Variants in STK32B observed in about 807,000 individuals in gnomAD.
STK32B encodes serine/threonine kinase 32B.
STK32B carries 43 observed loss-of-function variants against 52.6 expected under a neutral mutation model. The ratio of observed to expected loss-of-function variants is 0.82; its 90% CI spans 0.64 to 1.05. The LOEUF (loss-of-function observed/expected upper bound fraction) is 1.05. Ranked by LOEUF, STK32B falls within the 50% of genes least tolerant of loss-of-function variation. The probability of loss-of-function intolerance (pLI) is 0.00; values close to 1 mark genes in which losing one functional copy is unlikely to be tolerated. For missense variants in STK32B, 621 were observed against 534.6 expected, an observed-to-expected ratio of 1.16 and a Z score of -1.59; for synonymous variants, 238 against 204.3, an observed-to-expected ratio of 1.17 and a Z score of -1.41.
rs1437530499 is a variant in STK32B, at chr4:5,394,807, G to T, written c.435-3400G>T. Among the ~76,000 whole-genome samples the T allele has an allele frequency of 6.6e-6, 1 of 152,156 alleles. No individual in the cohort carries two copies. Among genetic ancestry groups the T allele is most frequent in the Non-Finnish European group, 1.5e-5 (1 of 68,038 alleles). The stretch of plus-strand genomic sequence containing the variant: ...AGGAAAACAAGGCTGAGAGTAAGTG[G>T]CCCAAGATCATATAGCTAGAGAATT... On this transcript the variant is annotated intron_variant, in intron 4 of 11. Transcript: ENST00000282908. The surrounding 1 kb of genome is among the most constrained non-coding windows in gnomAD (Gnocchi z 4.2).
chr4:5,422,240 G>A (rs1420564693), intron 6 of STK32B, among the ~76,000 whole-genome samples: 2 of 152,244 alleles, frequency 1.3e-5, no homozygotes, highest in Admixed American at 6.5e-5. Flanking sequence ...TAGTGGGGAA[G>A]GTGGAGTTAA....
chr4:5,495,430 C>G (rs919161007), intron 11 of STK32B, among the ~76,000 whole-genome samples: 1 of 152,178 alleles, frequency 6.6e-6, no homozygotes, highest in East Asian at 1.9e-4. Flanking sequence ...GCTCCATCAG[C>G]TCCTTTAAGC....
chr4:5,109,402 A>G (rs1054549510), intron 1 of STK32B, among the ~76,000 whole-genome samples: 1 of 152,246 alleles, frequency 6.6e-6, no homozygotes, highest in African/African-American at 2.4e-5. Context: ...GAGCTAACAA[A>G]TGAATACATA....
chr4:5,180,096 C>A (rs1720241098), intron 3 of STK32B, among the ~76,000 whole-genome samples: 1 of 152,218 alleles, frequency 6.6e-6, no homozygotes, highest in Non-Finnish European at 1.5e-5. Flanking sequence ...CAAGTAGAGT[C>A]TGTGTGGCCC....
At position 5,398,506 on chromosome 4, in the gene STK32B, G is replaced by A. The variant is rs1348962727; in HGVS notation, c.472+262G>A. On this transcript the variant is annotated intron_variant, in intron 5 of 11. Coordinates refer to ENST00000282908, the MANE Select transcript of STK32B (RefSeq NM_018401.3). The surrounding 1 kb of genome is among the most constrained non-coding windows in gnomAD (Gnocchi z 4.9). ...ATCCCCGTGTGAGGAGGACAGGGCCGCCGTGAGGATGAGCCCGGGGTTCCA... is the reference window on the plus strand; with the variant it reads ...ATCCCCGTGTGAGGAGGACAGGGCCACCGTGAGGATGAGCCCGGGGTTCCA... Among the ~76,000 whole-genome samples the A allele has an allele frequency of 6.6e-6, 1 of 152,100 alleles. No individual in the cohort carries two copies. The highest frequency in any genetic ancestry group is 1.5e-5 in the Non-Finnish European group (1 of 68,024).
rs373979747 is a variant in STK32B at position 5,468,791 on chromosome 4, G to C, written c.1106+721G>C. Among the ~76,000 whole-genome samples the C allele has an allele frequency of 2.6e-5, 4 of 152,172 alleles. No homozygotes were observed. The East Asian group carries it at 5.8e-4, about 22-fold the overall frequency. On this transcript the variant is annotated intron_variant, in intron 11 of 11. Transcript: ENST00000282908. ...ATAATATCTAGAGGAGGCCGGGCGC[G>C]GTGGCTCACACCTGTAATTCTAGCA...
chr4:5,494,165 T>C (rs1719996149), intron 11 of STK32B, among the ~76,000 whole-genome samples: 1 of 152,204 alleles, frequency 6.6e-6, no homozygotes, highest in Non-Finnish European at 1.5e-5. Flanking sequence ...ATCTGTCTAA[T>C]GTTGACAGTG....
chr4:5,451,149 A>G (rs1050619824), intron 7 of STK32B, among the ~76,000 whole-genome samples: 1 of 152,216 alleles, frequency 6.6e-6, no homozygotes, highest in African/African-American at 2.4e-5. Flanking sequence ...TATTGTGCAA[A>G]TAAGTAAATA....
intron 3 of STK32B, among the ~76,000 whole-genome samples, chr4:5,296,413 C>T (rs1344495823): frequency 6.6e-6 from 1 of 152,186 alleles, no homozygotes. Flanking sequence ...CTTCATAGGT[C>T]TCTAAGAACT....
At chr4:5,256,378 A>G (rs182922182) in intron 3 of STK32B, among the ~76,000 whole-genome samples, 90 of 152,350 alleles carry the variant, frequency 5.9e-4, no homozygotes, top group African/African-American at 1.9e-3. Flanking sequence ...GCTTGAGGTC[A>G]TCTAAGGAAG....
chr4:5,219,706 G>A lies in STK32B; in HGVS notation c.260+51256G>A, dbSNP rs553551705. The stretch of plus-strand genomic sequence containing the variant: ...CTGGACTGGACCAGCACTTGACTGC[G>A]TACTTGTCATTGACAGCGGGGCTTC... On this transcript the variant is annotated intron_variant, in intron 3 of 11. Transcript: ENST00000282908. 5.9e-5 allele frequency among the ~76,000 whole-genome samples: 9 copies of A among 152,342 alleles called. No individual in the cohort carries two copies. In the South Asian group the frequency reaches 6.2e-4, roughly 11 times the overall value.
At chr4:5,413,181 T>G (rs1711854221) in intron 5 of STK32B, among the ~76,000 whole-genome samples, 1 of 152,146 alleles carries the variant, frequency 6.6e-6, no homozygotes, top group East Asian at 1.9e-4. Context: ...ATTAATATTA[T>G]CCCCTTCTTA....
At chr4:5,056,944 T>A (rs1182535983) in intron 1 of STK32B, among the ~76,000 whole-genome samples, 2 of 152,218 alleles carry the variant, frequency 1.3e-5, no homozygotes, top group African/African-American at 4.8e-5. Flanking sequence ...AACCTGTTAT[T>A]ATTGTGTTCC....
In STK32B at chr4:5,466,769, C is replaced by A; in HGVS notation, c.976C>A (p.His326Asn). 1 of 1,614,060 alleles carries A rather than the reference C, an allele frequency of 6.2e-7. No homozygotes were observed. Among genetic ancestry groups the A allele is most frequent in the Non-Finnish European group, 8.5e-7 (1 of 1,179,980 alleles). ...EEMILESKPL[H>N]KKKKRLAKNR... ...GATGATTCTAGAATCCAAGCCACTT[C>A]ACAAAAAGAAGAAGCGATTGGCAAA... The change falls in exon 10 of 12, where the codon CAC (histidine) becomes AAC (asparagine). Residue 326 changes from histidine to asparagine, a missense_variant. His to Asn is a moderately conservative substitution (Grantham distance 68). Coordinates refer to ENST00000282908, the MANE Select transcript of STK32B (RefSeq NM_018401.3).
At chr4:5,483,979 A>C (rs1718936920) in intron 11 of STK32B, among the ~76,000 whole-genome samples, 1 of 152,218 alleles carries the variant, frequency 6.6e-6, no homozygotes, top group Non-Finnish European at 1.5e-5. Flanking sequence ...CTGTTCTTTT[A>C]CATTTGCTGA....
chr4:5,040,229 G>C, the STK32B span, among the ~76,000 whole-genome samples: 2 of 152,114 alleles, frequency 1.3e-5, no homozygotes, highest in African/African-American at 2.4e-5. Flanking sequence ...TGTTCTATTT[G>C]TAAAAAGAAA....
chr4:5,118,153 T>G (rs1714838077), intron 1 of STK32B, among the ~76,000 whole-genome samples: 1 of 152,236 alleles, frequency 6.6e-6, no homozygotes, highest in Admixed American at 6.5e-5. Flanking sequence ...TTTAAATGTT[T>G]GGTAGACTCC....
intron 4 of STK32B, among the ~76,000 whole-genome samples, chr4:5,388,828 A>G (rs560442448): frequency 2.1e-4 from 32 of 152,340 alleles, no homozygotes; most frequent in Middle Eastern, 3.4e-3. Flanking sequence ...ATCCTTGCAC[A>G]TGTTTGTGAA....
At chr4:5,078,363 G>A (rs1712208328) in intron 1 of STK32B, among the ~76,000 whole-genome samples, 1 of 152,020 alleles carries the variant, frequency 6.6e-6, no homozygotes, top group South Asian at 2.1e-4. Context: ...GAAAAGCTAG[G>A]GTCTGTTAGC....
Sources: allele counts gnomAD v4.1 joint callset (sites outside exome capture counted in the v4.1 genomes callset), GRCh38; gene constraint gnomAD v4.1.1; non-coding constraint Gnocchi (gnomAD v3.1); transcripts MANE v1.5; gene names NCBI Gene and HGNC (gene_info 2026-07-23, HGNC 2026-07-21).